Variants in CD5 observed in about 807,000 individuals in gnomAD.
CD5 encodes the protein CD5 molecule, also known as T-cell surface glycoprotein CD5.
A neutral mutation model predicts 60.3 loss-of-function variants in CD5; 36 were observed. That is an observed-to-expected ratio of 0.60 (90% CI 0.46 to 0.79). The LOEUF (loss-of-function observed/expected upper bound fraction) is 0.79, where lower values mean the gene tolerates loss of function less well. CD5 is among the 30% of genes least tolerant of loss of function. The pLI is 0.00. For missense variants in CD5, 540 were observed against 630.6 expected, an observed-to-expected ratio of 0.86 and a Z score of 1.54; for synonymous variants, 230 against 257.6, an observed-to-expected ratio of 0.89 and a Z score of 1.03.
chr11:61,121,817 C>CG lies in CD5; in HGVS notation c.1017dup (p.Leu340AlafsTer103). ...GCTGGACGCTGGTGACCCAACATCC[C>CG]GGGGGCTCTTCTGTCCCCATCAGAA... is the stretch of plus-strand genomic sequence containing the variant. On this transcript the variant is annotated frameshift_variant, in exon 6 of 11. Transcript: ENST00000347785. LOFTEE classifies it high-confidence loss of function. 1 of 1,608,196 alleles carries CG rather than the reference C, an allele frequency of 6.2e-7. No individual in the cohort carries two copies. The highest frequency in any genetic ancestry group is 8.5e-7 in the Non-Finnish European group (1 of 1,175,790).
chr11:61,107,162 A>G (rs116091595), intron 1 of CD5, among the ~76,000 whole-genome samples: 160 of 152,312 alleles, frequency 1.1e-3, no homozygotes, highest in African/African-American at 3.7e-3. Flanking sequence ...GGGAGGATTC[A>G]GCGGCTCTCA....
Position 61,127,288 on chromosome 11 carries a change from G to T in CD5, c.*1003G>T, listed in dbSNP as rs1825838290. Reference sequence around the variant, plus strand: ...GTGAGAAGAGGAGGTCTACCCAGGAGCCTCGGGTCTGATCAAGGGAGAGGC... The same window carrying T: ...GTGAGAAGAGGAGGTCTACCCAGGATCCTCGGGTCTGATCAAGGGAGAGGC... On this transcript the variant is annotated 3_prime_UTR_variant, in exon 11 of 11. Coordinates refer to ENST00000347785, the MANE Select transcript of CD5 (RefSeq NM_014207.4). The T allele has an allele frequency of 6.6e-6, 1 of 152,166 alleles. No homozygotes were observed. The highest frequency in any genetic ancestry group is 2.4e-5 in the African/African-American group (1 of 41,426). 9.4% of individuals were successfully genotyped at this position (152,166 alleles called of 1,614,324 possible).
intron 1 of CD5, among the ~76,000 whole-genome samples, chr11:61,110,389 G>A (rs1333682417): frequency 6.6e-6 from 1 of 152,198 alleles, no homozygotes; most frequent in Non-Finnish European, 1.5e-5. Context: ...GGGGGAAGGT[G>A]AGGGACTGTG....
intron 5 of CD5, 135 bp from the exon 6 acceptor site, chr11:61,121,476 G>A: frequency 1.7e-6 from 1 of 606,060 alleles, no homozygotes; most frequent in South Asian, 4.6e-5. Context: ...AAAGAAGGCT[G>A]CCTCTCCTGG....
At chr11:61,122,298 G>GGATGGATT (rs1861073854) in intron 6 of CD5, among the ~76,000 whole-genome samples, 1 of 138,198 alleles carries the variant, frequency 7.2e-6, no homozygotes, top group Non-Finnish European at 1.6e-5. Flanking sequence ...ATTGGTGGGT[G>GGATGGATT]GGTGGGTGGG....
intron 1 of CD5, among the ~76,000 whole-genome samples, chr11:61,107,475 C>A (rs1360058687): frequency 6.6e-6 from 1 of 152,218 alleles, no homozygotes; most frequent in African/African-American, 2.4e-5. Context: ...GAAGGAAATA[C>A]TGTGTACATA....
At chr11:61,101,401 T>C (rs1402457273), upstream of CD5, among the ~76,000 whole-genome samples, 31 of 39,224 alleles carry the variant, frequency 7.9e-4, 1 homozygote, top group Non-Finnish European at 1.2e-3. Flanking sequence ...CACACACACG[T>C]CAACATGGAG....
chr11:61,118,506 C>G lies in CD5; in HGVS notation c.400+26C>G, dbSNP rs534343338. 4 of 1,603,638 alleles carry G rather than the reference C, an allele frequency of 2.5e-6. No homozygotes were observed. The East Asian group carries it at 8.9e-5, about 36-fold the overall frequency. Reference sequence around the variant, plus strand: ...GTGGGTAACTAGCCAGCCACACGGGCACCCTGGGCCTGGGCGCCAGCCCCG... The same window carrying G: ...GTGGGTAACTAGCCAGCCACACGGGGACCCTGGGCCTGGGCGCCAGCCCCG... On this transcript the variant is annotated intron_variant, in intron 3 of 10. Transcript: ENST00000347785. The surrounding 1 kb of genome is among the most constrained non-coding windows in gnomAD (Gnocchi z 4.7).
rs765830654 is a variant in CD5, at chr11:61,121,635, G to A, written c.830G>A (p.Arg277His). The change falls in exon 6 of 11, where the codon CGT becomes CAT. Residue 277 changes from arginine (R) to histidine (H), a missense_variant. Coordinates refer to ENST00000347785, the MANE Select transcript of CD5 (RefSeq NM_014207.4). ...GGTTTCCAGCCCAAGGTGCAGAGCC[G>A]TCTGGTGGGGGGCAGCAGCATCTGT... ...CSGFQPKVQS[R>H]LVGGSSICEG... 44 of 1,527,752 alleles carry A rather than the reference G, an allele frequency of 2.9e-5. No homozygotes were observed. Among genetic ancestry groups the A allele is most frequent in the East Asian group, 9.4e-5 (4 of 42,720 alleles). 94.6% of individuals were successfully genotyped at this position (1,527,752 alleles called of 1,614,324 possible).
In CD5 at chr11:61,121,769, G is replaced by C; in HGVS notation, c.964G>C (p.Gly322Arg). Residue 322 changes from glycine to arginine, a missense_variant, in exon 6 of 11, where the codon GGC becomes CGC. Transcript: ENST00000347785. ...WEEVCREQQC[G>R]SVNSYRVLDA... ...GGAGGTGTGCCGGGAGCAGCAGTGTGGCAGCGTCAACTCCTATCGAGTGCT... is the reference window on the plus strand; with the variant it reads ...GGAGGTGTGCCGGGAGCAGCAGTGTCGCAGCGTCAACTCCTATCGAGTGCT... 6.2e-7 allele frequency: 1 copy of C among 1,612,434 alleles called. No individual in the cohort carries two copies. Among genetic ancestry groups the C allele is most frequent in the Non-Finnish European group, 8.5e-7 (1 of 1,178,814 alleles).
chr11:61,118,231 T>C lies in CD5; in HGVS notation c.151T>C (p.Tyr51His). The C allele has an allele frequency of 6.2e-7, 1 of 1,614,214 alleles. No individual in the cohort carries two copies. The highest frequency in any genetic ancestry group is 8.5e-7 in the Non-Finnish European group (1 of 1,180,038). Residue 51 changes from tyrosine (Y) to histidine (H), a missense_variant, in exon 3 of 11, where the codon TAC becomes CAC. Tyr to His is a moderately conservative substitution (Grantham distance 83). Transcript: ENST00000347785. This position sits in a 1 kb window ranked among gnomAD's most constrained non-coding sequence, Gnocchi z 4.7. ...NSKCQGQLEV[Y>H]LKDGWHMVCS... ...GAAGTGCCAGGGCCAGCTGGAGGTC[T>C]ACCTCAAGGACGGATGGCACATGGT... is the stretch of plus-strand genomic sequence containing the variant.
At chr11:61,107,673 G>C (rs1310127761) in intron 1 of CD5, among the ~76,000 whole-genome samples, 2 of 152,246 alleles carry the variant, frequency 1.3e-5, no homozygotes, top group Middle Eastern at 3.4e-3. Context: ...GAGACTGTGG[G>C]CCTGGATCAC....
At chr11:61,114,773 C>T (rs893431931) in intron 1 of CD5, among the ~76,000 whole-genome samples, 7 of 152,080 alleles carry the variant, frequency 4.6e-5, no homozygotes, top group Admixed American at 4.6e-4. Context: ...ATATATGTGA[C>T]ATTCACGGAA....
intron 2 of CD5, among the ~76,000 whole-genome samples, chr11:61,117,935 C>A (rs1860988585): frequency 6.6e-6 from 1 of 152,236 alleles, no homozygotes; most frequent in Non-Finnish European, 1.5e-5. Flanking sequence ...TATCTGAGCT[C>A]CCTTCTGACT....
chr11:61,099,879 T>TGGAGATCAC (rs1860636671), upstream of CD5, among the ~76,000 whole-genome samples: 1 of 134,106 alleles, frequency 7.5e-6, no homozygotes, highest in Non-Finnish European at 1.6e-5. Context: ...ATGGAGATCA[T>TGGAGATCAC]ACACACACAT....
In CD5 at chr11:61,122,961, T is replaced by C; in HGVS notation, c.1154T>C (p.Leu385Pro). The change falls in exon 7 of 11, where the codon CTG (leucine) becomes CCG (proline). Residue 385 changes from leucine (L) to proline (P), a missense_variant. Physicochemically the swap from Leu to Pro is moderately conservative, Grantham distance 98. Coordinates refer to ENST00000347785, the MANE Select transcript of CD5 (RefSeq NM_014207.4). ...GCAGGCACGGTGGCAAGCATCATCC[T>C]GGCCCTGGTGCTCCTGGTGGTGCTG... ...LAAGTVASII[L>P]ALVLLVVLLV... is the part of the protein sequence containing the mutation. 1 of 1,614,140 alleles carries C rather than the reference T, an allele frequency of 6.2e-7. No individual in the cohort carries two copies. The highest frequency in any genetic ancestry group is 8.5e-7 in the Non-Finnish European group (1 of 1,179,966).
At chr11:61,100,331 TCA>T (rs748526102), upstream of CD5, among the ~76,000 whole-genome samples, 12 of 109,720 alleles carry the variant, frequency 1.1e-4, no homozygotes, top group South Asian at 2.8e-4. Flanking sequence ...GACATGGAGA[TCA>T]CACACACACA....
chr11:61,101,749 TTACA>T (rs1226883184), upstream of CD5, among the ~76,000 whole-genome samples: 5 of 138,564 alleles, frequency 3.6e-5, no homozygotes, highest in Non-Finnish European at 7.7e-5. Flanking sequence ...AACATGGAGA[TTACA>T]CACACATCAA....
At chr11:61,120,942 T>C (rs1235095366) in intron 5 of CD5, among the ~76,000 whole-genome samples, 2 of 152,256 alleles carry the variant, frequency 1.3e-5, no homozygotes, top group African/African-American at 2.4e-5. Flanking sequence ...GATGTTGCTA[T>C]GGGAACTGGG....
Sources: gnomAD v4.1 joint callset for allele counts (sites outside exome capture counted in the v4.1 genomes callset) on GRCh38, gnomAD v4.1.1 for gene constraint, Gnocchi (gnomAD v3.1) non-coding constraint, MANE v1.5 for transcripts, NCBI Gene and HGNC (gene_info 2026-07-23, HGNC 2026-07-21) for gene names.